The following TNC variants were observed in gnomAD, a reference collection of about 807,000 sequenced individuals.
The protein encoded by TNC is tenascin C, also known as tenascin.
In TNC, 109 loss-of-function variants were observed where a neutral mutation model predicts 202.4. The ratio of observed to expected loss-of-function variants is 0.54; its 90% CI spans 0.46 to 0.63. The LOEUF is 0.63. TNC is among the 30% of genes least tolerant of loss of function. The probability of loss-of-function intolerance (pLI) is 0.00; values close to 1 mark genes in which losing one functional copy is unlikely to be tolerated. For synonymous variants in TNC, 1,007 were observed against 1,089.7 expected (o/e 0.92, Z 1.50); for missense variants, 2,756 against 2,833.3 (o/e 0.97, Z 0.62).
chr9:115,086,853 C>T lies in TNC; in HGVS notation c.878G>A (p.Arg293Gln), dbSNP rs975002183. Residue 293 changes from arginine to glutamine, a missense_variant, in exon 3 of 28, where the codon CGA becomes CAA. Transcript: ENST00000350763. Reference protein sequence around the residue: ...LCLNNCYNRGRCVENECVCDE... With the variant: ...LCLNNCYNRGQCVENECVCDE... ...ACACACGCACTCATTCTCCACGCAT[C>T]GTCCACGGTTGTAGCAATTGTTGAG... 12 of 1,614,086 alleles carry T rather than the reference C, an allele frequency of 7.4e-6. No individual in the cohort carries two copies. Among genetic ancestry groups the T allele is most frequent in the African/African-American group, 5.3e-5 (4 of 74,934 alleles).
In TNC at chr9:115,042,227, A is replaced by G; in HGVS notation, c.5240T>C (p.Ile1747Thr). 1 of 1,613,940 alleles carries G rather than the reference A, an allele frequency of 6.2e-7. No homozygotes were observed. The highest frequency in any genetic ancestry group is 8.5e-7 in the Non-Finnish European group (1 of 1,179,888). ...CTTTCCGAGTCTCCTACCTCCTGTA[A>G]TGGGCACATAGGTAATCCGGAAGCT... ...VESFRITYVP[I>T]TGGTPSMVTV... The change falls in exon 18 of 28, where the codon ATT becomes ACT. Residue 1747 changes from isoleucine (I) to threonine (T), a missense_variant. By Grantham distance (89) the Ile-to-Thr change is moderately conservative. Around this residue, in one of 2 missense-constraint regions of TNC, gnomAD observed 2,559 missense variants for 2,546.0 expected, o/e 1.01. Coordinates refer to ENST00000350763, the MANE Select transcript of TNC (RefSeq NM_002160.4).
At chr9:115,064,276 T>C (rs546682368) in intron 11 of TNC, among the ~76,000 whole-genome samples, 1 of 152,342 alleles carries the variant, frequency 6.6e-6, no homozygotes, top group South Asian at 2.1e-4. Flanking sequence ...GTTTTTTAAA[T>C]CTTAAAGAAT....
rs753259943 is a variant in TNC, at chr9:115,081,861, C to A, written c.2315G>T (p.Gly772Val). ...RRPETSYRQT[G>V]LAPGQEYEIS... ...CTCATACTCTTGCCCAGGAGCTAGA[C>A]CAGTTTGCCGGTAAGAGGTCTCTGG... Residue 772 changes from glycine to valine, a missense_variant, in exon 6 of 28, where the codon GGT becomes GTT. Gly to Val is a moderately radical substitution (Grantham distance 109). Around this residue, in one of 2 missense-constraint regions of TNC, gnomAD observed 2,559 missense variants for 2,546.0 expected, o/e 1.01. Transcript: ENST00000350763. The A allele has an allele frequency of 1.9e-6, 3 of 1,604,746 alleles. No individual in the cohort carries two copies. The highest frequency in any genetic ancestry group is 2.5e-6 in the Non-Finnish European group (3 of 1,177,634).
At chr9:115,045,675 C>G (rs2132089909) in intron 17 of TNC, among the ~76,000 whole-genome samples, 1 of 150,232 alleles carries the variant, frequency 6.7e-6, no homozygotes, top group East Asian at 2.0e-4. Flanking sequence ...AGCCATCACT[C>G]TGGGCCTAAG....
In TNC at chr9:115,046,498, A is replaced by G; in HGVS notation, c.5037T>C (p.Gly1679=). The stretch of plus-strand genomic sequence containing the variant: ...TTTCGTATTCAGTAGCCTCTCTGAG[A>G]CCTGTTATGTCCCTGGTACGTTCGG... ...LAPERTRDIT[G]LREATEYEIE... is the part of the protein sequence containing the mutation. Residue 1679 remains glycine, a synonymous_variant, in exon 17 of 28, where the codon GGT becomes GGC. Coordinates refer to ENST00000350763, the MANE Select transcript of TNC (RefSeq NM_002160.4). The G allele has an allele frequency of 6.2e-7, 1 of 1,614,118 alleles. No individual in the cohort carries two copies. Among genetic ancestry groups the G allele is most frequent in the Non-Finnish European group, 8.5e-7 (1 of 1,179,996 alleles).
At chr9:115,063,683 G>C (rs1832720249) in intron 12 of TNC, 113 bp downstream of exon 12, 2 of 1,161,664 alleles carry the variant, frequency 1.7e-6, no homozygotes, top group Non-Finnish European at 2.5e-6. Context: ...TGATTCACTG[G>C]TATTTCCCCA....
chr9:115,024,047 T>C lies in TNC; in HGVS notation c.6421A>G (p.Lys2141Glu), dbSNP rs934385888. Residue 2141 changes from lysine to glutamate, a missense_variant, in exon 27 of 28, where the codon AAA becomes GAA. By Grantham distance (56) the Lys-to-Glu change is moderately conservative. Coordinates refer to ENST00000350763, the MANE Select transcript of TNC (RefSeq NM_002160.4). ...SAITNCALSY[K>E]GAFWYRNCHR... ...CAGTTCCTGTACCAGAAAGCCCCTT[T>C]GTAGGACAGAGCACAGTTGGTGATG... 4 of 1,614,036 alleles carry C rather than the reference T, an allele frequency of 2.5e-6. No homozygotes were observed. Among genetic ancestry groups the C allele is most frequent in the Non-Finnish European group, 3.4e-6 (4 of 1,179,990 alleles).
intron 1 of TNC, among the ~76,000 whole-genome samples, chr9:115,098,319 C>T (rs1290146472): frequency 6.6e-6 from 1 of 152,190 alleles, no homozygotes. Context: ...CATAATTTTA[C>T]ACATTAAGCT....
At chr9:115,097,597 A>T (rs1025333826) in intron 1 of TNC, among the ~76,000 whole-genome samples, 1 of 152,212 alleles carries the variant, frequency 6.6e-6, no homozygotes, top group African/African-American at 2.4e-5. Flanking sequence ...AAATGGTTGG[A>T]TACAACTCCA....
chr9:115,042,478 G>GT (rs1830840285), intron 17 of TNC, 137 bp from the exon 18 acceptor site: 11 of 1,143,486 alleles, frequency 9.6e-6, no homozygotes, highest in Non-Finnish European at 1.3e-5. Context: ...GATGGAGAAT[G>GT]TGGTGATCTG....
chr9:115,116,229 A>C (rs1412839961), intron 1 of TNC, among the ~76,000 whole-genome samples: 4 of 152,218 alleles, frequency 2.6e-5, no homozygotes, highest in Non-Finnish European at 5.9e-5. Context: ...AAAACAAAGC[A>C]TAGAGGAAAA....
intron 15 of TNC, chr9:115,052,629 T>C (rs999786556): frequency 1.7e-6 from 1 of 601,070 alleles, no homozygotes; most frequent in African/African-American, 1.9e-5. Context: ...CAATTAAAAA[T>C]AAGAGAGTAC....
At chr9:115,060,060 A>T in intron 13 of TNC, 58 bp from the exon 14 acceptor site, 3 of 1,497,598 alleles carry the variant, frequency 2.0e-6, no homozygotes, top group Non-Finnish European at 2.7e-6. Flanking sequence ...AGGAAACCAA[A>T]CATCCCACAG....
chr9:115,022,958 C>T (rs893743195), intron 27 of TNC, among the ~76,000 whole-genome samples: 2 of 151,568 alleles, frequency 1.3e-5, no homozygotes, highest in African/African-American at 4.9e-5. Context: ...GTCCCAACAC[C>T]TGCTGCATGT....
intron 15 of TNC, among the ~76,000 whole-genome samples, chr9:115,054,082 T>C (rs754530789): frequency 6.6e-6 from 1 of 152,200 alleles, no homozygotes; most frequent in Non-Finnish European, 1.5e-5. Context: ...GACTGTATTT[T>C]AGAGAGAGGC....
chr9:115,100,711 A>C (rs932145282), intron 1 of TNC, among the ~76,000 whole-genome samples: 20 of 152,204 alleles, frequency 1.3e-4, no homozygotes, highest in Non-Finnish European at 2.2e-4. Flanking sequence ...TTGCTAAGAT[A>C]GTAGTAGACC....
chr9:115,061,765 A>G (rs1832564864), intron 13 of TNC, among the ~76,000 whole-genome samples: 1 of 152,218 alleles, frequency 6.6e-6, no homozygotes, highest in African/African-American at 2.4e-5. Context: ...CCTTTTTCCC[A>G]TAGCCCTTTT....
At chr9:115,077,231 T>G (rs1417717081) in intron 7 of TNC, among the ~76,000 whole-genome samples, 1 of 152,218 alleles carries the variant, frequency 6.6e-6, no homozygotes, top group Non-Finnish European at 1.5e-5. Context: ...ATTTTTTTTG[T>G]ATTTTTAGTA....
At chr9:115,083,239 G>C (rs1405247055) in intron 4 of TNC, among the ~76,000 whole-genome samples, 1 of 152,140 alleles carries the variant, frequency 6.6e-6, no homozygotes, top group Non-Finnish European at 1.5e-5. Flanking sequence ...TGCTGGGCCT[G>C]GTTCGTGGCA....
Sources: allele counts gnomAD v4.1 joint callset (sites outside exome capture counted in the v4.1 genomes callset), GRCh38; gene constraint gnomAD v4.1.1; regional missense constraint gnomAD v4.1.1; transcripts MANE v1.5; gene names NCBI Gene and HGNC (gene_info 2026-07-23, HGNC 2026-07-21).